The following GRID2 variants were observed in gnomAD, a reference collection of about 807,000 sequenced individuals.
GRID2 encodes the protein glutamate receptor ionotropic, delta-2.
A neutral mutation model predicts 114.8 loss-of-function variants in GRID2; 33 were observed. The observed-to-expected ratio is 0.29, with a 90% CI of 0.22 to 0.38. GRID2 has a LOEUF of 0.38. Among genes scored for constraint, GRID2 ranks in the 10% least tolerant of loss-of-function variants. The pLI, the probability that GRID2 is intolerant of heterozygous loss-of-function variation, is 1.00. For synonymous variants in GRID2, 505 were observed against 449.9 expected (o/e 1.12, Z -1.55); for missense variants, 1,184 against 1,257.7 (o/e 0.94, Z 0.89).
At chr4:93,112,959 CT>C (rs752651260) in intron 4 of GRID2, among the ~76,000 whole-genome samples, 6 of 152,112 alleles carry the variant, frequency 3.9e-5, no homozygotes, top group Non-Finnish European at 8.8e-5. Context: ...CTGTAAAGAC[CT>C]TATCTCCAAT....
At chr4:93,329,966 A>G (rs1758256198) in intron 8 of GRID2, among the ~76,000 whole-genome samples, 1 of 152,050 alleles carries the variant, frequency 6.6e-6, no homozygotes, top group South Asian at 2.1e-4. Context: ...TAATCTGATT[A>G]CATCTCCAGG....
intron 2 of GRID2, among the ~76,000 whole-genome samples, chr4:92,615,451 C>A (rs552770539): frequency 6.6e-6 from 1 of 151,654 alleles, no homozygotes; most frequent in Non-Finnish European, 1.5e-5. Flanking sequence ...TACACTAATT[C>A]TTTTATGGTT....
At chr4:92,965,477 AAAAAAAAAAAAAC>A (rs1753092411) in intron 2 of GRID2, among the ~76,000 whole-genome samples, 1 of 92,978 alleles carries the variant, frequency 1.1e-5, no homozygotes, top group African/African-American at 4.1e-5. Context: ...AAAAAAAAAA[AAAAAAAAAAAAAC>A]ACACAACATC....
At chr4:93,138,660 A>C (rs1735492295) in intron 4 of GRID2, among the ~76,000 whole-genome samples, 1 of 152,174 alleles carries the variant, frequency 6.6e-6, no homozygotes, top group Non-Finnish European at 1.5e-5. Context: ...CTCATGCCTC[A>C]CACAACTTCA....
intron 2 of GRID2, among the ~76,000 whole-genome samples, chr4:92,987,529 C>T (rs911123716): frequency 6.6e-6 from 1 of 151,494 alleles, no homozygotes; most frequent in Non-Finnish European, 1.5e-5. Flanking sequence ...ACCAACATGG[C>T]ACATGTATAT....
chr4:92,936,080 G>T lies in GRID2; in HGVS notation c.245-148915G>T, dbSNP rs1243677239. 4.1e-5 allele frequency among the ~76,000 whole-genome samples: 6 copies of T among 145,802 alleles called. 2 individuals carry two copies. Among genetic ancestry groups the T allele is most frequent in the Non-Finnish European group, 9.1e-5 (6 of 65,698 alleles). On this transcript the variant is annotated intron_variant, in intron 2 of 15. Transcript: ENST00000282020. ...GAAATTTAAATGCTGTCTACTTGAAGAAAATGTTTATATTGAAATGTTAAA... is the reference window on the plus strand; with the variant it reads ...GAAATTTAAATGCTGTCTACTTGAATAAAATGTTTATATTGAAATGTTAAA...
At chr4:92,918,391 G>T (rs1053209277) in intron 2 of GRID2, among the ~76,000 whole-genome samples, 1 of 152,058 alleles carries the variant, frequency 6.6e-6, no homozygotes, top group Non-Finnish European at 1.5e-5. Context: ...ACACTATGTT[G>T]AATAGGAGTG....
At chr4:93,741,193 A>ATATATATATATATATATAT in intron 14 of GRID2, among the ~76,000 whole-genome samples, 1 of 30,638 alleles carries the variant, frequency 3.3e-5, no homozygotes, top group Non-Finnish European at 6.0e-5. Flanking sequence ...ATATATATAT[A>ATATATATATATATATATAT]TATATATGTA....
intron 14 of GRID2, among the ~76,000 whole-genome samples, chr4:93,671,494 C>T (rs1183007100): frequency 2.0e-5 from 3 of 152,086 alleles, no homozygotes; most frequent in Non-Finnish European, 4.4e-5. Context: ...TCTGCCACTG[C>T]TTTATACTAA....
intron 2 of GRID2, among the ~76,000 whole-genome samples, chr4:93,047,026 A>C (rs1036940933): frequency 6.6e-6 from 1 of 151,950 alleles, no homozygotes; most frequent in Non-Finnish European, 1.5e-5. Context: ...TGATAATGTG[A>C]TGTGATGAAA....
chr4:92,419,638 T>C (rs865790526), intron 1 of GRID2, among the ~76,000 whole-genome samples: 1 of 152,042 alleles, frequency 6.6e-6, no homozygotes, highest in African/African-American at 2.4e-5. Context: ...CTTCTTAAAG[T>C]TGAGTAAAAG....
At chr4:92,571,372 G>C (rs1010573417) in intron 1 of GRID2, among the ~76,000 whole-genome samples, 1 of 152,076 alleles carries the variant, frequency 6.6e-6, no homozygotes, top group African/African-American at 2.4e-5. Flanking sequence ...GGAGCACCAA[G>C]ATTCATAGAG....
chr4:92,429,186 A>G (rs1434528485), intron 1 of GRID2, among the ~76,000 whole-genome samples: 1 of 152,198 alleles, frequency 6.6e-6, no homozygotes, highest in Non-Finnish European at 1.5e-5. Flanking sequence ...AGATATTTCG[A>G]TGCAAGCCTA....
At chr4:92,943,500 T>G (rs1047979287) in intron 2 of GRID2, among the ~76,000 whole-genome samples, 4 of 152,176 alleles carry the variant, frequency 2.6e-5, no homozygotes, top group Admixed American at 2.6e-4. Context: ...TTCAAGGTTT[T>G]TAACTTCTTT....
At chr4:93,156,998 A>G (rs565486546) in intron 4 of GRID2, among the ~76,000 whole-genome samples, 2 of 151,948 alleles carry the variant, frequency 1.3e-5, no homozygotes, top group South Asian at 2.1e-4. Context: ...CCCCTGGTCA[A>G]TAGTGGGAAA....
intron 12 of GRID2, among the ~76,000 whole-genome samples, chr4:93,508,072 G>A (rs1728809087): frequency 6.6e-6 from 1 of 152,028 alleles, no homozygotes; most frequent in South Asian, 2.1e-4. Flanking sequence ...ACGAGTTAAT[G>A]AGTGCAGCAC....
At chr4:93,321,742 C>T (rs1308109392) in intron 8 of GRID2, among the ~76,000 whole-genome samples, 2 of 151,654 alleles carry the variant, frequency 1.3e-5, no homozygotes, top group Non-Finnish European at 2.9e-5. Flanking sequence ...AAATATCTTT[C>T]AGATGGAAGT....
chr4:92,471,031 G>C (rs1013751037), intron 1 of GRID2, among the ~76,000 whole-genome samples: 2 of 151,992 alleles, frequency 1.3e-5, no homozygotes, highest in Non-Finnish European at 2.9e-5. Context: ...AATCCTGACA[G>C]CAAGTGGTAA....
intron 8 of GRID2, among the ~76,000 whole-genome samples, chr4:93,332,192 T>C (rs970337023): frequency 6.6e-6 from 1 of 151,672 alleles, no homozygotes; most frequent in African/African-American, 2.4e-5. Context: ...AAATTTGACT[T>C]ACAGAAGAAA....
Sources: gnomAD v4.1 joint callset for allele counts (sites outside exome capture counted in the v4.1 genomes callset) on GRCh38, gnomAD v4.1.1 for gene constraint, MANE v1.5 for transcripts, NCBI Gene and HGNC (gene_info 2026-07-23, HGNC 2026-07-21) for gene names.